CCDC85C: variants seen among roughly 807,000 people sequenced by gnomAD.
The protein encoded by CCDC85C is coiled-coil domain containing 85C.
In CCDC85C, 18 loss-of-function variants were observed where a neutral mutation model predicts 38.3. The ratio of observed to expected loss-of-function variants is 0.47; its 90% CI spans 0.33 to 0.70. The LOEUF is 0.70. Ranked by LOEUF, CCDC85C falls within the 30% of genes least tolerant of loss-of-function variation. The pLI is 0.03. For synonymous variants in CCDC85C, 264 were observed against 293.8 expected, an observed-to-expected ratio of 0.90 and a Z score of 1.04; for missense variants, 566 against 621.2, an observed-to-expected ratio of 0.91 and a Z score of 0.94.
Position 99,572,080 on chromosome 14 carries a change from C to T in CCDC85C, c.793+31087G>A, listed in dbSNP as rs1898358902. On this transcript the variant is annotated intron_variant, in intron 1 of 5. Coordinates refer to ENST00000380243, the MANE Select transcript of CCDC85C (RefSeq NM_001144995.2). The surrounding 1 kb of genome is among the most constrained non-coding windows in gnomAD (Gnocchi z 4.4). ...GATCCCCAGAGCCCCCAACCCTAAC[C>T]CAGCACCCGCAAGTCTCTGGAAGGC... Among the ~76,000 whole-genome samples, 1 of 152,174 alleles carries T rather than the reference C, an allele frequency of 6.6e-6. No individual in the cohort carries two copies. Among genetic ancestry groups the T allele is most frequent in the Admixed American group, 6.5e-5 (1 of 15,280 alleles).
rs941547 is a variant in CCDC85C at position 99,506,038 on chromosome 14, A to T, written c.*9208T>A. The T allele has an allele frequency of 0.92, 140,551 of 152,242 alleles. 65,921 individuals are homozygous for T. The highest frequency in any genetic ancestry group is 1 in the East Asian group (5,170 of 5,170). 9.4% of individuals were successfully genotyped at this position (152,242 alleles called of 1,614,324 possible). ...TATAGGATACAGAGGCAAAAGGTAG[A>T]GTGTGAGGTGCTGATTGGTGGGTCT... On this transcript the variant is annotated 3_prime_UTR_variant, in exon 6 of 6. Coordinates refer to ENST00000380243, the MANE Select transcript of CCDC85C (RefSeq NM_001144995.2).
At chr14:99,526,077 T>G (rs1279310778) in intron 2 of CCDC85C, among the ~76,000 whole-genome samples, 1 of 152,176 alleles carries the variant, frequency 6.6e-6, no homozygotes, top group East Asian at 1.9e-4. Flanking sequence ...TGTGTCTGAC[T>G]TGGGAGACAC....
rs186149936 is a variant in CCDC85C, at chr14:99,522,119, G to A, written c.975+14C>T. On this transcript the variant is annotated intron_variant, in intron 3 of 5. Transcript: ENST00000380243. Reference sequence around the variant, plus strand: ...CATCCAGAACATGTGGGCTTTTTTGGGGTGCACACTCACGTTCTGCAGGGA... The same window carrying A: ...CATCCAGAACATGTGGGCTTTTTTGAGGTGCACACTCACGTTCTGCAGGGA... The A allele has an allele frequency of 6.5e-7, 1 of 1,540,410 alleles. No homozygotes were observed. Among genetic ancestry groups the A allele is most frequent in the Admixed American group, 2.0e-5 (1 of 50,946 alleles).
chr14:99,575,481 ACT>A (rs1254161491), intron 1 of CCDC85C, among the ~76,000 whole-genome samples: 1 of 152,124 alleles, frequency 6.6e-6, no homozygotes, highest in Non-Finnish European at 1.5e-5. Flanking sequence ...AAGGGAGAAA[ACT>A]CTCTCAAGAG....
chr14:99,603,383 C>A lies in CCDC85C; in HGVS notation c.577G>T (p.Gly193Cys). The change falls in exon 1 of 6, where the codon GGC becomes TGC. Residue 193 changes from glycine (G) to cysteine (C), a missense_variant. Around this residue, in one of 3 missense-constraint regions of CCDC85C, gnomAD observed 269 missense variants for 308.2 expected, o/e 0.87. Transcript: ENST00000380243. The surrounding 1 kb of genome is among the most constrained non-coding windows in gnomAD (Gnocchi z 7.5). ...QASLSGPLSG[G>C]APGAGARDVG... ...TCGCGGGCCCCCGCGCCGGGCGCGC[C>A]ACCCGACAGCGGCCCGCTCAGGCTG... 3.2e-6 allele frequency: 4 copies of A among 1,246,606 alleles called. No individual in the cohort carries two copies. The highest frequency in any genetic ancestry group is 4.0e-6 in the Non-Finnish European group (4 of 997,030). The allele number at this position is 1,246,606 out of a possible 1,614,324, so 77.2% of individuals were successfully genotyped here. A position where few individuals can be genotyped will look rare whatever the true frequency, so the allele number is the denominator to read the frequency against.
chr14:99,533,473 G>A lies in CCDC85C; in HGVS notation c.867+2542C>T, dbSNP rs978352023. On this transcript the variant is annotated intron_variant, in intron 2 of 5. Coordinates refer to ENST00000380243, the MANE Select transcript of CCDC85C (RefSeq NM_001144995.2). The surrounding 1 kb of genome is among the most constrained non-coding windows in gnomAD (Gnocchi z 4.2). ...ACTTTGAACCCTTTCTGCACTGGATGATCTCTGAATTCCGCGCCCTGGTTG... is the reference window on the plus strand; with the variant it reads ...ACTTTGAACCCTTTCTGCACTGGATAATCTCTGAATTCCGCGCCCTGGTTG... 1.3e-5 allele frequency among the ~76,000 whole-genome samples: 2 copies of A among 152,238 alleles called. No homozygotes were observed. The highest frequency in any genetic ancestry group is 2.4e-5 in the African/African-American group (1 of 41,468).
intron 1 of CCDC85C, among the ~76,000 whole-genome samples, chr14:99,601,175 G>A (rs2139997532): frequency 6.6e-6 from 1 of 152,320 alleles, no homozygotes; most frequent in African/African-American, 2.4e-5. Flanking sequence ...AATTCCATCT[G>A]TAACCGAAAT....
In CCDC85C at chr14:99,504,018, AG is replaced by A; in HGVS notation, c.*11227del. ...GCCACAGCAGATGCGGGGGGGCAGT[AG>A]GGGGTGGTGTGCTGCCCGGACAGCA... is the stretch of plus-strand genomic sequence containing the variant. On this transcript the variant is annotated 3_prime_UTR_variant, in exon 6 of 6. Transcript: ENST00000380243. The A allele has an allele frequency of 5.5e-6, 2 of 363,734 alleles. No individual in the cohort carries two copies. Among genetic ancestry groups the A allele is most frequent in the Admixed American group, 4.0e-5 (1 of 25,316 alleles). The allele number at this position is 363,734 out of a possible 1,614,324, so 22.5% of individuals were successfully genotyped here. A position where few individuals can be genotyped will look rare whatever the true frequency, so the allele number is the denominator to read the frequency against.
intron 1 of CCDC85C, among the ~76,000 whole-genome samples, chr14:99,573,976 C>T (rs967473719): frequency 1.3e-5 from 2 of 152,182 alleles, no homozygotes; most frequent in African/African-American, 2.4e-5. Context: ...TCCTGGGATG[C>T]GAAGGGTGGT....
At chr14:99,568,916 T>C (rs1898278242) in intron 1 of CCDC85C, among the ~76,000 whole-genome samples, 1 of 151,968 alleles carries the variant, frequency 6.6e-6, no homozygotes, top group Non-Finnish European at 1.5e-5. Context: ...TTCTGCAGGG[T>C]CCTTGCCTCA....
intron 1 of CCDC85C, among the ~76,000 whole-genome samples, chr14:99,566,071 A>T (rs4905858): frequency 0.55 from 83,874 of 152,152 alleles, 23,372 homozygotes; most frequent in African/African-American, 0.62. Flanking sequence ...AACAGGCAAC[A>T]TTATGGAGGG....
rs1459870399 is a variant in CCDC85C, at chr14:99,507,438, A to T, written c.*7808T>A. On this transcript the variant is annotated 3_prime_UTR_variant, in exon 6 of 6. Transcript: ENST00000380243. ...AAATTAGCCAGGTGTGGTAGCACAC[A>T]CCTGTAGTCCCAACTACTTAGGAGT... 4 of 402,560 alleles carry T rather than the reference A, an allele frequency of 9.9e-6. No homozygotes were observed. Among genetic ancestry groups the T allele is most frequent in the Non-Finnish European group, 1.9e-5 (4 of 213,522 alleles). 24.9% of individuals were successfully genotyped at this position (402,560 alleles called of 1,614,324 possible).
Position 99,515,083 on chromosome 14 carries a change from A to G in CCDC85C, c.*163T>C. ...GGGAGATGGCGGCTTGGGCCAGTGC[A>G]TCGGACCCATGGCAGCTGGGCCAGG... On this transcript the variant is annotated 3_prime_UTR_variant, in exon 6 of 6. Transcript: ENST00000380243. The G allele has an allele frequency of 3.5e-6, 2 of 579,364 alleles. No homozygotes were observed. Among genetic ancestry groups the G allele is most frequent in the South Asian group, 2.1e-5 (1 of 48,486 alleles). The allele number at this position is 579,364 out of a possible 1,614,324, so 35.9% of individuals were successfully genotyped here.
At chr14:99,522,952 G>C (rs1474366320) in intron 2 of CCDC85C, 1 of 152,042 alleles carries the variant, frequency 6.6e-6, no homozygotes, top group Non-Finnish European at 1.5e-5. Context: ...GAATCCACAG[G>C]TCCCATAAAC....
chr14:99,589,674 T>C (rs1462608151), intron 1 of CCDC85C, among the ~76,000 whole-genome samples: 2 of 152,114 alleles, frequency 1.3e-5, no homozygotes, highest in Non-Finnish European at 2.9e-5. Context: ...CACTGGCTGA[T>C]GGGTTGCAGA....
In CCDC85C at chr14:99,510,142, G is replaced by GTC; in HGVS notation, c.*5102_*5103dup. ...GCTGGCGGAGGCCGGGCACTGATGC[G>GTC]TCTCTCTCCTGCAGACCGGAAGCCT... On this transcript the variant is annotated 3_prime_UTR_variant, in exon 6 of 6. Coordinates refer to ENST00000380243, the MANE Select transcript of CCDC85C (RefSeq NM_001144995.2). The GTC allele has an allele frequency of 6.3e-7, 1 of 1,589,034 alleles. No homozygotes were observed. Among genetic ancestry groups the GTC allele is most frequent in the Non-Finnish European group, 8.5e-7 (1 of 1,172,030 alleles).
rs981700174 is a variant in CCDC85C at position 99,503,920 on chromosome 14, C to T, written c.*11326G>A. 2.2e-5 allele frequency: 10 copies of T among 455,582 alleles called. No individual in the cohort carries two copies. Among genetic ancestry groups the T allele is most frequent in the African/African-American group, 4.0e-5 (2 of 49,644 alleles). 28.2% of individuals were successfully genotyped at this position (455,582 alleles called of 1,614,324 possible). A position where few individuals can be genotyped will look rare whatever the true frequency, so the allele number is the denominator to read the frequency against. On this transcript the variant is annotated 3_prime_UTR_variant, in exon 6 of 6. Coordinates refer to ENST00000380243, the MANE Select transcript of CCDC85C (RefSeq NM_001144995.2). ...AAGTATAATTATGGCTGTAGGAGAA[C>T]TGTTGCTGCAATTTTATTTTTAGAG...
chr14:99,553,467 C>A (rs562042614), intron 1 of CCDC85C, among the ~76,000 whole-genome samples: 5 of 152,160 alleles, frequency 3.3e-5, no homozygotes, highest in Non-Finnish European at 7.4e-5. Context: ...TGGGTTCAAG[C>A]GATTCTTCTG....
chr14:99,582,821 GA>G (rs552387994), intron 1 of CCDC85C, among the ~76,000 whole-genome samples: 12 of 150,750 alleles, frequency 8.0e-5, no homozygotes, highest in African/African-American at 2.9e-4. Context: ...CTCAAAAAAA[GA>G]AAAAAAAAGT....
Sources: allele counts gnomAD v4.1 joint callset (sites outside exome capture counted in the v4.1 genomes callset), GRCh38; gene constraint gnomAD v4.1.1; regional missense constraint gnomAD v4.1.1; non-coding constraint Gnocchi (gnomAD v3.1); transcripts MANE v1.5; gene names NCBI Gene and HGNC (gene_info 2026-07-23, HGNC 2026-07-21).